Variants in SPOCK1 observed in about 807,000 individuals in gnomAD.
SPOCK1 encodes testican-1.
Under a neutral mutation model 55.3 loss-of-function variants are expected in SPOCK1, and 23 were observed. That is an observed-to-expected ratio of 0.42 (90% confidence interval 0.30 to 0.59). SPOCK1 has a LOEUF of 0.59. Among genes scored for constraint, SPOCK1 ranks in the 20% least tolerant of loss-of-function variants. SPOCK1 has a pLI of 0.22. For missense variants in SPOCK1, 499 were observed against 552.5 expected (o/e 0.90, Z 0.97); for synonymous variants, 226 against 221.0 (o/e 1.02, Z -0.20).
chr5:137,042,546 C>A (rs1169350620), intron 6 of SPOCK1, among the ~76,000 whole-genome samples: 1 of 152,078 alleles, frequency 6.6e-6, no homozygotes, highest in African/African-American at 2.4e-5. Context: ...AAGGTGCTGA[C>A]CTGTGTAGTT....
At chr5:137,005,200 A>G (rs1751223998) in intron 6 of SPOCK1, among the ~76,000 whole-genome samples, 1 of 152,202 alleles carries the variant, frequency 6.6e-6, no homozygotes, top group Non-Finnish European at 1.5e-5. Flanking sequence ...TCACTGGTAA[A>G]TCCCTGAAGC....
At chr5:136,986,916 A>G (rs1750852957) in intron 8 of SPOCK1, among the ~76,000 whole-genome samples, 1 of 152,194 alleles carries the variant, frequency 6.6e-6, no homozygotes, top group African/African-American at 2.4e-5. Flanking sequence ...AACTGATGCT[A>G]AAGTTCACAC....
chr5:137,008,591 T>C (rs1751295449), intron 6 of SPOCK1, among the ~76,000 whole-genome samples: 1 of 152,022 alleles, frequency 6.6e-6, no homozygotes, highest in African/African-American at 2.4e-5. Flanking sequence ...TACTAGAGAA[T>C]TGTAGACAAC....
chr5:136,979,533 G>A (rs768921966), intron 9 of SPOCK1, 64 bp from the exon 10 acceptor site: 241 of 1,568,782 alleles, frequency 1.5e-4, no homozygotes, highest in Non-Finnish European at 1.9e-4. Flanking sequence ...GTTAATGCCC[G>A]TCAACACAGG....
intron 2 of SPOCK1, among the ~76,000 whole-genome samples, chr5:137,359,664 C>T (rs1027087373): frequency 3.3e-5 from 5 of 152,192 alleles, no homozygotes; most frequent in African/African-American, 1.2e-4. Flanking sequence ...GTCATTTTTA[C>T]TTTTTTATAA....
intron 3 of SPOCK1, among the ~76,000 whole-genome samples, chr5:137,214,664 T>A (rs965794140): frequency 6.6e-6 from 1 of 152,036 alleles, no homozygotes; most frequent in African/African-American, 2.4e-5. Context: ...AAACAATACC[T>A]CACATACCAA....
chr5:137,313,393 T>C, intron 2 of SPOCK1: 3 of 985,084 alleles, frequency 3.0e-6, no homozygotes, highest in Non-Finnish European at 2.4e-6. Flanking sequence ...AGAAGAAAAG[T>C]AAAGCCCAGC....
intron 2 of SPOCK1, among the ~76,000 whole-genome samples, chr5:137,293,817 C>T (rs983100779): frequency 1.2e-4 from 18 of 151,990 alleles, no homozygotes; most frequent in Non-Finnish European, 1.5e-5. Context: ...GAGATCGAGA[C>T]CATCCTCGCT....
intron 5 of SPOCK1, among the ~76,000 whole-genome samples, chr5:137,080,262 C>T (rs1051858584): frequency 3.9e-5 from 6 of 152,168 alleles, no homozygotes; most frequent in Non-Finnish European, 7.4e-5. Context: ...TCTAACCTTG[C>T]GAAGCCTGAG....
At chr5:137,090,539 G>A (rs1413729755) in intron 5 of SPOCK1, among the ~76,000 whole-genome samples, 1 of 152,192 alleles carries the variant, frequency 6.6e-6, no homozygotes, top group African/African-American at 2.4e-5. Context: ...AACTCCTTGA[G>A]GACAAGGCTA....
intron 3 of SPOCK1, among the ~76,000 whole-genome samples, chr5:137,179,576 T>C (rs1754927051): frequency 1.3e-5 from 2 of 152,090 alleles, no homozygotes; most frequent in Admixed American, 6.5e-5. Flanking sequence ...AACCACCTTT[T>C]TGACCAAAAA....
chr5:137,157,373 T>C (rs909747958), intron 3 of SPOCK1, among the ~76,000 whole-genome samples: 2 of 152,358 alleles, frequency 1.3e-5, no homozygotes, highest in African/African-American at 4.8e-5. Flanking sequence ...GTGTCATTAT[T>C]CTTCCTTTGA....
chr5:137,325,691 G>A (rs1002836015), intron 2 of SPOCK1, among the ~76,000 whole-genome samples: 2 of 152,180 alleles, frequency 1.3e-5, no homozygotes, highest in Admixed American at 6.5e-5. Flanking sequence ...TCTCATTTGT[G>A]GGGGAGATGG....
intron 3 of SPOCK1, among the ~76,000 whole-genome samples, chr5:137,189,450 C>T (rs1755135589): frequency 1.3e-5 from 2 of 152,198 alleles, no homozygotes. Context: ...TGCCTGTACT[C>T]TAAAAATGGA....
At chr5:136,987,903 T>C (rs1750874199) in intron 8 of SPOCK1, among the ~76,000 whole-genome samples, 1 of 152,214 alleles carries the variant, frequency 6.6e-6, no homozygotes, top group African/African-American at 2.4e-5. Flanking sequence ...ATATGAAATA[T>C]CCTGGTATCT....
intron 3 of SPOCK1, among the ~76,000 whole-genome samples, chr5:137,184,192 C>T (rs377301334): frequency 6.6e-6 from 1 of 152,198 alleles, no homozygotes; most frequent in African/African-American, 2.4e-5. Flanking sequence ...AGCATCTGAG[C>T]TTCAGCTTTC....
chr5:137,100,722 G>T (rs560867870), intron 5 of SPOCK1, among the ~76,000 whole-genome samples: 1 of 152,236 alleles, frequency 6.6e-6, no homozygotes, highest in Non-Finnish European at 1.5e-5. Flanking sequence ...TGGACACAGG[G>T]CCTTTCCTGC....
chr5:137,396,493 G>T (rs1156444599), intron 2 of SPOCK1, among the ~76,000 whole-genome samples: 2 of 152,242 alleles, frequency 1.3e-5, no homozygotes, highest in African/African-American at 4.8e-5. Context: ...GTCTGATAAT[G>T]TGGCAGGAAT....
intron 3 of SPOCK1, among the ~76,000 whole-genome samples, chr5:137,244,990 G>T (rs768512129): frequency 1.1e-4 from 17 of 152,138 alleles, no homozygotes; most frequent in Non-Finnish European, 2.4e-4. Context: ...AGAGAAAATT[G>T]CTCATAGAAA....
Sources: allele counts gnomAD v4.1 joint callset (sites outside exome capture counted in the v4.1 genomes callset), GRCh38; gene constraint gnomAD v4.1.1; transcripts MANE v1.5; gene names NCBI Gene and HGNC (gene_info 2026-07-23, HGNC 2026-07-21).